The following PRPF19 variants were observed in gnomAD, a reference collection of about 807,000 sequenced individuals.
PRPF19 encodes pre-mRNA processing factor 19.
In PRPF19, 2 loss-of-function variants were observed where a neutral mutation model predicts 64.2. The observed-to-expected ratio is 0.03, with a 90% confidence interval of 0.01 to 0.10. The LOEUF is 0.10. Among genes scored for constraint, PRPF19 ranks in the 10% least tolerant of loss-of-function variants. The probability of loss-of-function intolerance (pLI) is 1.00; values close to 1 mark genes in which losing one functional copy is unlikely to be tolerated. For synonymous variants in PRPF19, 226 were observed against 251.6 expected (o/e 0.90, Z 0.96); for missense variants, 314 against 650.0 (o/e 0.48, Z 5.62).
intron 14 of PRPF19, 47 bp from the exon 15 acceptor site, chr11:60,897,998 T>G: frequency 6.2e-7 from 1 of 1,609,056 alleles, no homozygotes; most frequent in Admixed American, 1.7e-5. Flanking sequence ...GAACAGAAAC[T>G]ATGGGGCAGT....
chr11:60,900,191 G>A (rs1015476527), intron 10 of PRPF19, among the ~76,000 whole-genome samples: 1 of 152,174 alleles, frequency 6.6e-6, no homozygotes, highest in African/African-American at 2.4e-5. Context: ...CAGTCAACAT[G>A]ATTTTTACCC....
At chr11:60,895,758 G>A (rs1461883297) in intron 15 of PRPF19, among the ~76,000 whole-genome samples, 2 of 152,056 alleles carry the variant, frequency 1.3e-5, no homozygotes, top group Admixed American at 6.6e-5. Flanking sequence ...CTTGGACACC[G>A]AGAGGCCATA....
chr11:60,891,019 G>T lies in PRPF19; in HGVS notation c.*147C>A, dbSNP rs1855850909. 1.5e-6 allele frequency: 1 copy of T among 660,214 alleles called. No homozygotes were observed. Among genetic ancestry groups the T allele is most frequent in the Non-Finnish European group, 2.6e-6 (1 of 378,846 alleles). 40.9% of individuals were successfully genotyped at this position (660,214 alleles called of 1,614,324 possible). On this transcript the variant is annotated 3_prime_UTR_variant, in exon 16 of 16. Transcript: ENST00000227524. ...TGGTCCATGCCACCATGGTTCTCAG[G>T]CCACCACTCAGACCAGAGTGAAATG...
At position 60,900,841 on chromosome 11, in the gene PRPF19, C is replaced by A. The variant is rs777017929; in HGVS notation, c.718+13G>T. The A allele has an allele frequency of 1.2e-6, 2 of 1,614,160 alleles. No homozygotes were observed. Among genetic ancestry groups the A allele is most frequent in the East Asian group, 4.5e-5 (2 of 44,884 alleles). Reference sequence around the variant, plus strand: ...CCCCACTTTGGCCTGCCGGGCTAGGCCCAGACTCTCACCAGTGAGGATCTT... The same window carrying A: ...CCCCACTTTGGCCTGCCGGGCTAGGACCAGACTCTCACCAGTGAGGATCTT... On this transcript the variant is annotated intron_variant, in intron 9 of 15. Coordinates refer to ENST00000227524, the MANE Select transcript of PRPF19 (RefSeq NM_014502.5).
chr11:60,902,361 A>C lies in PRPF19; in HGVS notation c.525+42T>G. On this transcript the variant is annotated intron_variant, in intron 6 of 15. Transcript: ENST00000227524. The surrounding 1 kb of genome is among the most constrained non-coding windows in gnomAD (Gnocchi z 5.0). ...GGACTCCAGACAGATGGTGAAAAGT[A>C]AGGGCCCATCAGCACTCCCACCAGG... The C allele has an allele frequency of 1.9e-6, 3 of 1,570,442 alleles. No homozygotes were observed. Among genetic ancestry groups the C allele is most frequent in the Non-Finnish European group, 2.6e-6 (3 of 1,141,698 alleles).
intron 15 of PRPF19, among the ~76,000 whole-genome samples, chr11:60,891,855 T>TA (rs1855861685): frequency 6.6e-6 from 1 of 152,226 alleles, no homozygotes; most frequent in Non-Finnish European, 1.5e-5. Context: ...CCAGGTACAG[T>TA]ACAGGGTGAA....
intron 15 of PRPF19, among the ~76,000 whole-genome samples, chr11:60,894,373 C>T (rs1383317990): frequency 6.6e-6 from 1 of 152,232 alleles, no homozygotes; most frequent in Non-Finnish European, 1.5e-5. Context: ...ATGTTCACGG[C>T]ATCTTCACCA....
chr11:60,892,811 T>G (rs1337126863), intron 15 of PRPF19, among the ~76,000 whole-genome samples: 1 of 152,176 alleles, frequency 6.6e-6, no homozygotes, highest in Non-Finnish European at 1.5e-5. Context: ...TGAACTGGTC[T>G]CACAAGAGAG....
At chr11:60,892,594 C>A (rs1341628098) in intron 15 of PRPF19, among the ~76,000 whole-genome samples, 1 of 152,182 alleles carries the variant, frequency 6.6e-6, no homozygotes, top group African/African-American at 2.4e-5. Flanking sequence ...TCTATAGTTA[C>A]CATTCCCACT....
chr11:60,902,891 G>A lies in PRPF19; in HGVS notation c.247-10C>T. The A allele has an allele frequency of 6.2e-7, 1 of 1,612,732 alleles. No individual in the cohort carries two copies. The highest frequency in any genetic ancestry group is 8.5e-7 in the Non-Finnish European group (1 of 1,179,878). On this transcript the variant is annotated splice_polypyrimidine_tract_variant and intron_variant, in intron 3 of 15. Coordinates refer to ENST00000227524, the MANE Select transcript of PRPF19 (RefSeq NM_014502.5). This position sits in a 1 kb window ranked among gnomAD's most constrained non-coding sequence, Gnocchi z 5.0. ...GCAGCATGACTGCATCCTGGGAGAAGCAAATATCATTGTAAGGTGAGGTGG... is the reference window on the plus strand; with the variant it reads ...GCAGCATGACTGCATCCTGGGAGAAACAAATATCATTGTAAGGTGAGGTGG...
chr11:60,906,559 C>T lies in PRPF19; in HGVS notation c.-177G>A, dbSNP rs994993455. 19 of 635,860 alleles carry T rather than the reference C, an allele frequency of 3.0e-5. No homozygotes were observed. The Admixed American group carries it at 3.4e-4, about 11-fold the overall frequency. The allele number at this position is 635,860 out of a possible 1,614,324, so 39.4% of individuals were successfully genotyped here. A position where few individuals can be genotyped will look rare whatever the true frequency, so the allele number is the denominator to read the frequency against. On this transcript the variant is annotated 5_prime_UTR_variant, in exon 1 of 16. Transcript: ENST00000227524. ...CGTGGGAATGGGGACAGCCGCGCGC[C>T]ACAGCCTTCAGCACCTAACGGAAAT...
In PRPF19 at chr11:60,902,359, G is replaced by GT. The variant is rs780107573; in HGVS notation, c.525+43dup. ...ATGGACTCCAGACAGATGGTGAAAAGTAAGGGCCCATCAGCACTCCCACCA... is the reference window on the plus strand; with the variant it reads ...ATGGACTCCAGACAGATGGTGAAAAGTTAAGGGCCCATCAGCACTCCCACCA... On this transcript the variant is annotated intron_variant, in intron 6 of 15. Transcript: ENST00000227524. This position sits in a 1 kb window ranked among gnomAD's most constrained non-coding sequence, Gnocchi z 5.0. 6.3e-7 allele frequency: 1 copy of GT among 1,579,278 alleles called. No homozygotes were observed.
rs765636008 is a variant in PRPF19, at chr11:60,900,875, C to T, written c.697G>A (p.Asp233Asn). Reference protein sequence around the residue: ...GILALDLCPSDTNKILTGGAD... With the variant: ...GILALDLCPSNTNKILTGGAD... Reference sequence around the variant, plus strand: ...TCACCAGTGAGGATCTTGTTGGTGTCGGACGGGCAGAGGTCCAGGGCCAGG... The same window carrying T: ...TCACCAGTGAGGATCTTGTTGGTGTTGGACGGGCAGAGGTCCAGGGCCAGG... Residue 233 changes from aspartate to asparagine, a missense_variant, in exon 9 of 16, where the codon GAC becomes AAC. By Grantham distance (23) the Asp-to-Asn change is conservative. Transcript: ENST00000227524. 1.2e-6 allele frequency: 2 copies of T among 1,614,168 alleles called. No homozygotes were observed. The highest frequency in any genetic ancestry group is 1.1e-5 in the South Asian group (1 of 91,076).
chr11:60,906,032 GACAAGA>G (rs1856042051), intron 1 of PRPF19, among the ~76,000 whole-genome samples: 1 of 152,220 alleles, frequency 6.6e-6, no homozygotes, highest in Non-Finnish European at 1.5e-5. Flanking sequence ...GCGGACCCTG[GACAAGA>G]CCTCGAGTTT....
At chr11:60,896,045 C>T (rs570211539) in intron 15 of PRPF19, among the ~76,000 whole-genome samples, 1 of 152,178 alleles carries the variant, frequency 6.6e-6, no homozygotes, top group South Asian at 2.1e-4. Flanking sequence ...CACACAGACA[C>T]AAAGTGAACA....
In PRPF19 at chr11:60,891,105, C is replaced by G. The variant is rs1258478199; in HGVS notation, c.*61G>C. 2.0e-6 allele frequency: 1 copy of G among 494,980 alleles called. No individual in the cohort carries two copies. The highest frequency in any genetic ancestry group is 3.5e-6 in the Non-Finnish European group (1 of 285,470). The allele number at this position is 494,980 out of a possible 1,614,324, so 30.7% of individuals were successfully genotyped here. Reference sequence around the variant, plus strand: ...CATAGATTCCCCCCACCCCCCCCCCCAAACCCTAATTCTACCCCTCTACTG... The same window carrying G: ...CATAGATTCCCCCCACCCCCCCCCCGAAACCCTAATTCTACCCCTCTACTG... On this transcript the variant is annotated 3_prime_UTR_variant, in exon 16 of 16. Transcript: ENST00000227524.
At chr11:60,899,328 T>C (rs1355573567) in intron 10 of PRPF19, 24 bp from the exon 11 acceptor site, 2 of 1,597,084 alleles carry the variant, frequency 1.3e-6, no homozygotes, top group East Asian at 4.5e-5. Context: ...AAAGACAGAA[T>C]ATCAGAGTCA....
At position 60,902,852 on chromosome 11, in the gene PRPF19, C is replaced by G. The variant is rs1432590102; in HGVS notation, c.276G>C (p.Leu92=). 6.2e-7 allele frequency: 1 copy of G among 1,613,954 alleles called. No homozygotes were observed. The highest frequency in any genetic ancestry group is 8.5e-7 in the Non-Finnish European group (1 of 1,179,980). The stretch of plus-strand genomic sequence containing the variant: ...GGCGGGTTGTCTGCAGCTGCTGGCG[C>G]AGAGTGAAGCTGTGCAGCATGACTG... The part of the protein sequence containing the change: ...WDAVMLHSFT[L]RQQLQTTRQE... Residue 92 remains leucine (L), a synonymous_variant, in exon 4 of 16, where the codon CTG becomes CTC. Transcript: ENST00000227524. This position sits in a 1 kb window ranked among gnomAD's most constrained non-coding sequence, Gnocchi z 5.0.
intron 15 of PRPF19, among the ~76,000 whole-genome samples, chr11:60,893,697 G>A (rs747715260): frequency 6.6e-6 from 1 of 152,164 alleles, no homozygotes; most frequent in Non-Finnish European, 1.5e-5. Context: ...GTTCATGCCT[G>A]TAATCCCAGC....
Sources: gnomAD v4.1 joint callset for allele counts (sites outside exome capture counted in the v4.1 genomes callset) on GRCh38, gnomAD v4.1.1 for gene constraint, Gnocchi (gnomAD v3.1) non-coding constraint, MANE v1.5 for transcripts, NCBI Gene and HGNC (gene_info 2026-07-23, HGNC 2026-07-21) for gene names.